FMN1: variants seen among roughly 807,000 people sequenced by gnomAD.
FMN1 encodes the protein formin 1.
Under a neutral mutation model 132.4 loss-of-function variants are expected in FMN1, and 110 were observed. The ratio of observed to expected loss-of-function variants is 0.83; its 90% CI spans 0.71 to 0.97. FMN1 has a LOEUF of 0.97. Ranked by LOEUF, FMN1 falls within the 50% of genes least tolerant of loss-of-function variation. The probability of loss-of-function intolerance (pLI) is 0.00; values close to 1 mark genes in which losing one functional copy is unlikely to be tolerated. For missense variants in FMN1, 1,792 were observed against 1,705.3 expected, an observed-to-expected ratio of 1.05 and a Z score of -0.90; for synonymous variants, 722 against 651.7, an observed-to-expected ratio of 1.11 and a Z score of -1.64.
At chr15:32,888,857 GTTTTTTT>G (rs34627075) in intron 15 of FMN1, among the ~76,000 whole-genome samples, 7 of 135,620 alleles carry the variant, frequency 5.2e-5, no homozygotes, top group South Asian at 2.4e-4. Flanking sequence ...ATATACACAG[GTTTTTTT>G]TTTTTTTTTT....
intron 3 of FMN1, among the ~76,000 whole-genome samples, chr15:33,155,778 G>A (rs576086103): frequency 2.6e-5 from 4 of 152,122 alleles, no homozygotes; most frequent in Non-Finnish European, 4.4e-5. Flanking sequence ...GGCTGGCCCT[G>A]TACAGATTTT....
chr15:32,874,179 G>A (rs1018332390), intron 16 of FMN1, among the ~76,000 whole-genome samples: 1 of 151,652 alleles, frequency 6.6e-6, no homozygotes, highest in East Asian at 1.9e-4. Flanking sequence ...CTGCCACCAC[G>A]CCCAGCTAAT....
intron 5 of FMN1, chr15:33,067,759 C>G: frequency 1.2e-6 from 2 of 1,614,002 alleles, no homozygotes; most frequent in East Asian, 2.2e-5. Context: ...CTAATTTACT[C>G]GTAAACCCAA....
intron 7 of FMN1, among the ~76,000 whole-genome samples, chr15:32,973,028 G>C (rs975237219): frequency 6.6e-6 from 1 of 151,942 alleles, no homozygotes; most frequent in Non-Finnish European, 1.5e-5. Context: ...GATTTCTCTT[G>C]TCACCCCCAC....
chr15:32,776,346 T>C (rs1258738), intron 20 of FMN1, among the ~76,000 whole-genome samples: 149,199 of 152,286 alleles, frequency 0.98, 73,157 homozygotes, highest in Middle Eastern at 1. Context: ...GTTTCCAGCA[T>C]AGGGAGAGAT....
At chr15:33,105,621 T>C (rs2039455969) in intron 4 of FMN1, 1 of 152,140 alleles carries the variant, frequency 6.6e-6, no homozygotes, top group Non-Finnish European at 1.5e-5. Context: ...AAATAGGGAA[T>C]CTTGACTAAA....
In FMN1 at chr15:33,154,249, C is replaced by G; in HGVS notation, c.666G>C (p.Pro222=). The G allele has an allele frequency of 6.5e-7, 1 of 1,536,158 alleles. No homozygotes were observed. The highest frequency in any genetic ancestry group is 8.7e-7 in the Non-Finnish European group (1 of 1,146,904). ...GCAGGGAGCAGGCAAGTGCCCCATTCGGGAGCAGATTTCCTTTCTCCTCTA... is the reference window on the plus strand; with the variant it reads ...GCAGGGAGCAGGCAAGTGCCCCATTGGGGAGCAGATTTCCTTTCTCCTCTA... The part of the protein sequence containing the change: ...WVLEEKGNLL[P]NGALACSLQR... Residue 222 remains proline, a synonymous_variant, in exon 4 of 21, where the codon CCG becomes CCC. Coordinates refer to ENST00000616417, the MANE Select transcript of FMN1 (RefSeq NM_001277313.2).
In FMN1 at chr15:33,001,646, GAGGACATATTT is replaced by G. The variant is rs1326733897; in HGVS notation, c.2223+6357_2223+6367del. On this transcript the variant is annotated intron_variant, in intron 7 of 20. Coordinates refer to ENST00000616417, the MANE Select transcript of FMN1 (RefSeq NM_001277313.2). ...GGTCTTTGTGCTTTTTTTTTTGGTT[GAGGACATATTT>G]GGGACATTGGACTTTCCTCCTCCTC... 2.9e-4 allele frequency among the ~76,000 whole-genome samples: 36 copies of G among 122,116 alleles called. 1 individual carries two copies. The highest frequency in any genetic ancestry group is 1.0e-3 in the African/African-American group (33 of 32,188). The allele number at this position is 122,116 out of a possible 152,430, so 80.1% of individuals were successfully genotyped here. A position where few individuals can be genotyped will look rare whatever the true frequency, so the allele number is the denominator to read the frequency against.
At chr15:32,784,982 CA>C in intron 19 of FMN1, among the ~76,000 whole-genome samples, 1 of 151,936 alleles carries the variant, frequency 6.6e-6, no homozygotes, top group Non-Finnish European at 1.5e-5. Context: ...TGGCTTCTCC[CA>C]ACTTAATTCT....
At chr15:33,093,961 A>C (rs1432157694) in intron 4 of FMN1, among the ~76,000 whole-genome samples, 3 of 152,242 alleles carry the variant, frequency 2.0e-5, no homozygotes, top group African/African-American at 7.2e-5. Flanking sequence ...AGAGAACCAA[A>C]ACCCATGAAG....
At chr15:32,795,598 G>A (rs2057260979) in intron 19 of FMN1, among the ~76,000 whole-genome samples, 1 of 151,566 alleles carries the variant, frequency 6.6e-6, no homozygotes, top group African/African-American at 2.4e-5. Flanking sequence ...GGGGTGGGGG[G>A]GTGGCAGGGT....
At chr15:33,075,607 G>T (rs144178798) in intron 5 of FMN1, among the ~76,000 whole-genome samples, 2 of 152,072 alleles carry the variant, frequency 1.3e-5, no homozygotes, top group African/African-American at 4.8e-5. Context: ...GACAAAGTTT[G>T]CCCTGTTCTT....
At chr15:32,794,026 A>AG (rs1160273555) in intron 19 of FMN1, among the ~76,000 whole-genome samples, 1 of 152,208 alleles carries the variant, frequency 6.6e-6, no homozygotes, top group African/African-American at 2.4e-5. Flanking sequence ...CCTGAGCAGT[A>AG]GGGAGCTCTG....
chr15:32,989,754 A>G (rs2033317659), intron 7 of FMN1, among the ~76,000 whole-genome samples: 1 of 152,182 alleles, frequency 6.6e-6, no homozygotes, highest in East Asian at 1.9e-4. Flanking sequence ...TGATGGGAAC[A>G]GGATGCCAAG....
In FMN1 at chr15:33,153,423, C is replaced by T; in HGVS notation, c.1492G>A (p.Ala498Thr). 6.5e-7 allele frequency: 1 copy of T among 1,536,766 alleles called. No individual in the cohort carries two copies. ...DKKKPSPPAPAALGKVFNNSA... is the reference protein window; with the variant it reads ...DKKKPSPPAPTALGKVFNNSA... ...TTATTAAACACCTTGCCAAGAGCTGCCGGTGCTGGTGGGGATGGCTTCTTC... is the reference window on the plus strand; with the variant it reads ...TTATTAAACACCTTGCCAAGAGCTGTCGGTGCTGGTGGGGATGGCTTCTTC... Residue 498 changes from alanine to threonine, a missense_variant, in exon 4 of 21, where the codon GCA (alanine) becomes ACA (threonine). Ala to Thr is a moderately conservative substitution (Grantham distance 58). Coordinates refer to ENST00000616417, the MANE Select transcript of FMN1 (RefSeq NM_001277313.2).
chr15:33,062,668 T>G (rs1293507489), intron 6 of FMN1: 1 of 152,152 alleles, frequency 6.6e-6, no homozygotes, highest in Non-Finnish European at 1.5e-5. Context: ...TAGTCTATAA[T>G]GATTCAAATT....
intron 4 of FMN1, among the ~76,000 whole-genome samples, chr15:33,139,412 C>T (rs930453408): frequency 7.3e-5 from 11 of 151,304 alleles, no homozygotes; most frequent in Non-Finnish European, 1.3e-4. Flanking sequence ...CAGGCTAACA[C>T]AGTGAAACCC....
chr15:32,910,592 A>C (rs1330612785), intron 10 of FMN1, 57 bp from the exon 11 acceptor site: 3 of 1,256,078 alleles, frequency 2.4e-6, no homozygotes, highest in Non-Finnish European at 3.4e-6. Flanking sequence ...CCCCTGCACC[A>C]ATGTTTACTC....
At chr15:32,875,913 T>G (rs1003586671) in intron 16 of FMN1, among the ~76,000 whole-genome samples, 19 of 152,338 alleles carry the variant, frequency 1.2e-4, no homozygotes, top group Admixed American at 1.0e-3. Flanking sequence ...CTGAGTTCTG[T>G]GCCTGGCTGG....
Sources: gnomAD v4.1 joint callset for allele counts (sites outside exome capture counted in the v4.1 genomes callset) on GRCh38, gnomAD v4.1.1 for gene constraint, MANE v1.5 for transcripts, NCBI Gene and HGNC (gene_info 2026-07-23, HGNC 2026-07-21) for gene names.